Variants in AGBL1 observed in about 807,000 individuals in gnomAD.
AGBL1 encodes cytosolic carboxypeptidase 4.
AGBL1 carries 130 observed loss-of-function variants against 118.9 expected under a neutral mutation model. That is an observed-to-expected ratio of 1.09 (90% CI 0.95 to 1.26). AGBL1 has a LOEUF of 1.26. Ranked by LOEUF, AGBL1 falls within the 50% of genes most tolerant of loss-of-function variation. The pLI, the probability that AGBL1 is intolerant of heterozygous loss-of-function variation, is 0.00. For missense variants in AGBL1, 1,584 were observed against 1,298.1 expected, an observed-to-expected ratio of 1.22 and a Z score of -3.38; for synonymous variants, 555 against 478.9, an observed-to-expected ratio of 1.16 and a Z score of -2.08.
intron 3 of AGBL1, among the ~76,000 whole-genome samples, chr15:86,152,026 A>C (rs2077118824): frequency 6.6e-6 from 1 of 152,200 alleles, no homozygotes. Flanking sequence ...AGAGGACACA[A>C]ACAAATGGAA....
At chr15:86,708,073 A>T (rs928499922) in intron 22 of AGBL1, among the ~76,000 whole-genome samples, 1 of 152,058 alleles carries the variant, frequency 6.6e-6, no homozygotes, top group Non-Finnish European at 1.5e-5. Flanking sequence ...GCCATTCTTA[A>T]TATTTTTCAT....
At position 86,148,945 on chromosome 15, in the gene AGBL1, A is replaced by C. The variant is rs574991942; in HGVS notation, c.262+5100A>C. Among the ~76,000 whole-genome samples, 131 of 152,346 alleles carry C rather than the reference A, an allele frequency of 8.6e-4. 2 individuals carry two copies. The South Asian group carries it at 0.026, about 31-fold the overall frequency. Reference sequence around the variant, plus strand: ...GCGGATCTCTTGGCAGAAACCCTACAAGCCAGAAGAGAGTGGGGGCCAATA... The same window carrying C: ...GCGGATCTCTTGGCAGAAACCCTACCAGCCAGAAGAGAGTGGGGGCCAATA... On this transcript the variant is annotated intron_variant, in intron 3 of 22. Coordinates refer to ENST00000614907, the MANE Select transcript of AGBL1 (RefSeq NM_001386094.1).
chr15:86,926,379 G>C (rs995963909), intron 23 of AGBL1, among the ~76,000 whole-genome samples: 3 of 152,178 alleles, frequency 2.0e-5, no homozygotes, highest in Non-Finnish European at 2.9e-5. Context: ...TTCAGGCCAG[G>C]CAAGGTGCTA....
At chr15:86,556,041 T>G (rs970155544) in intron 21 of AGBL1, among the ~76,000 whole-genome samples, 2 of 152,216 alleles carry the variant, frequency 1.3e-5, no homozygotes, top group African/African-American at 4.8e-5. Context: ...CTTCAAAGAT[T>G]TATTAGCTTG....
chr15:86,122,192 G>A (rs1000163428), intron 1 of AGBL1, among the ~76,000 whole-genome samples: 5 of 152,256 alleles, frequency 3.3e-5, no homozygotes, highest in Non-Finnish European at 5.9e-5. Flanking sequence ...TTCCCGACAT[G>A]GTCACAGGAG....
intron 22 of AGBL1, among the ~76,000 whole-genome samples, chr15:86,803,532 G>T (rs770049280): frequency 1.3e-5 from 2 of 152,032 alleles, no homozygotes; most frequent in Admixed American, 6.6e-5. Flanking sequence ...ATCCTGCCTC[G>T]TTTCAGAAAC....
intron 23 of AGBL1, among the ~76,000 whole-genome samples, chr15:86,925,843 G>C (rs888629529): frequency 6.7e-6 from 1 of 149,046 alleles, no homozygotes; most frequent in Non-Finnish European, 1.5e-5. Flanking sequence ...CCATTCTCCT[G>C]TCTTAGCCTC....
At chr15:87,000,957 T>A in intron 24 of AGBL1, among the ~76,000 whole-genome samples, 1 of 108,320 alleles carries the variant, frequency 9.2e-6, no homozygotes. Context: ...CCTTGTAAGT[T>A]GGATTCCTAG....
At chr15:86,343,726 C>T (rs1374228809) in intron 17 of AGBL1, among the ~76,000 whole-genome samples, 1 of 152,152 alleles carries the variant, frequency 6.6e-6, no homozygotes. Flanking sequence ...GAAATTTGTA[C>T]CAACTTTTCC....
At chr15:86,220,310 C>G (rs972695375) in intron 5 of AGBL1, among the ~76,000 whole-genome samples, 44 of 152,132 alleles carry the variant, frequency 2.9e-4, no homozygotes, top group African/African-American at 1.1e-3. Context: ...TTGTGAACTT[C>G]ATTATTGCTG....
intron 1 of AGBL1, 120 bp from the exon 2 acceptor site, chr15:86,141,884 C>A: frequency 1.0e-6 from 1 of 1,003,748 alleles, no homozygotes. Context: ...CCTGTCCTTT[C>A]GCTGTAGTTA....
intron 21 of AGBL1, among the ~76,000 whole-genome samples, chr15:86,670,674 T>G (rs2085732010): frequency 6.8e-6 from 1 of 147,350 alleles, no homozygotes; most frequent in Non-Finnish European, 1.5e-5. Context: ...AGCAAACTTA[T>G]ATAGTAAGAA....
intron 21 of AGBL1, among the ~76,000 whole-genome samples, chr15:86,583,765 A>C (rs1333808819): frequency 1.3e-5 from 2 of 152,078 alleles, no homozygotes; most frequent in African/African-American, 4.8e-5. Context: ...GAAATCTCCA[A>C]ACTGCTTTCC....
At chr15:86,403,868 G>A (rs543488719) in intron 18 of AGBL1, among the ~76,000 whole-genome samples, 94 of 152,220 alleles carry the variant, frequency 6.2e-4, no homozygotes, top group African/African-American at 2.2e-3. Context: ...ATATTATTTA[G>A]TCCCAGTCAT....
rs561628349 is a variant in AGBL1 at position 86,542,702 on chromosome 15, A to G, written c.2686-3300A>G. Among the ~76,000 whole-genome samples, 6 of 152,118 alleles carry G rather than the reference A, an allele frequency of 3.9e-5. No individual in the cohort carries two copies. In the South Asian group the frequency reaches 1.0e-3, roughly 26 times the overall value. ...TCTTTGATTTTATGGAGATTATGCA[A>G]TCCTAGAGTACAGAGGCCAAGTGGT... On this transcript the variant is annotated intron_variant, in intron 19 of 22. Coordinates refer to ENST00000614907, the MANE Select transcript of AGBL1 (RefSeq NM_001386094.1).
At chr15:86,318,198 T>A (rs2080045493) in intron 17 of AGBL1, among the ~76,000 whole-genome samples, 1 of 152,194 alleles carries the variant, frequency 6.6e-6, no homozygotes, top group South Asian at 2.1e-4. Context: ...TTTTTTAAAA[T>A]CATGAGTCAT....
At chr15:86,463,199 G>A (rs1287976654) in intron 18 of AGBL1, among the ~76,000 whole-genome samples, 1 of 151,958 alleles carries the variant, frequency 6.6e-6, no homozygotes, top group East Asian at 1.9e-4. Context: ...GTGATGATGA[G>A]CATTTTTTAT....
At chr15:86,239,193 G>C (rs183669855) in intron 6 of AGBL1, among the ~76,000 whole-genome samples, 16 of 152,092 alleles carry the variant, frequency 1.1e-4, no homozygotes, top group African/African-American at 3.9e-4. Context: ...TACCTGTCCC[G>C]GTTTCTGGAG....
chr15:86,401,049 A>G (rs968471424), intron 18 of AGBL1, among the ~76,000 whole-genome samples: 2 of 152,172 alleles, frequency 1.3e-5, no homozygotes, highest in African/African-American at 4.8e-5. Flanking sequence ...TGTTCTTCAT[A>G]GTGATTGTAC....
Sources: allele counts gnomAD v4.1 joint callset (sites outside exome capture counted in the v4.1 genomes callset), GRCh38; gene constraint gnomAD v4.1.1; transcripts MANE v1.5; gene names NCBI Gene and HGNC (gene_info 2026-07-23, HGNC 2026-07-21).